The following MAL2 variants were observed in gnomAD, a reference collection of about 807,000 sequenced individuals.
The protein encoded by MAL2 is mal, T cell differentiation protein 2.
Under a neutral mutation model 18.1 loss-of-function variants are expected in MAL2, and 17 were observed. The ratio of observed to expected loss-of-function variants is 0.94; its 90% CI spans 0.64 to 1.41. MAL2 has a LOEUF of 1.41. Among genes scored for constraint, MAL2 ranks in the 40% most tolerant of loss-of-function variants. The pLI is 0.00. For synonymous variants in MAL2, 102 were observed against 102.3 expected, an observed-to-expected ratio of 1.00 and a Z score of 0.02; for missense variants, 222 against 231.9, an observed-to-expected ratio of 0.96 and a Z score of 0.28.
At chr8:119,234,803 A>G (rs1196578631) in intron 2 of MAL2, among the ~76,000 whole-genome samples, 1 of 151,644 alleles carries the variant, frequency 6.6e-6, no homozygotes, top group Admixed American at 6.6e-5. Flanking sequence ...CCGAAAACCC[A>G]TCTGTACATC....
At chr8:119,231,977 C>G (rs1258194492) in intron 2 of MAL2, among the ~76,000 whole-genome samples, 1 of 151,924 alleles carries the variant, frequency 6.6e-6, no homozygotes, top group Non-Finnish European at 1.5e-5. Flanking sequence ...GAAATGAGTT[C>G]AAGAGATCTA....
chr8:119,224,490 A>G (rs796312044), intron 2 of MAL2, among the ~76,000 whole-genome samples: 2 of 152,310 alleles, frequency 1.3e-5, no homozygotes, highest in African/African-American at 4.8e-5. Flanking sequence ...TAACTGGCAC[A>G]CATTTGATCA....
rs1484238952 is a variant in MAL2 at position 119,240,366 on chromosome 8, C to A, written c.459+46C>A. Reference sequence around the variant, plus strand: ...AGTACCATTCACCAGCACTTCCGCTCCACTGTCAAGGCCTCCAAGAAACTC... The same window carrying A: ...AGTACCATTCACCAGCACTTCCGCTACACTGTCAAGGCCTCCAAGAAACTC... On this transcript the variant is annotated intron_variant, in intron 3 of 3. Coordinates refer to ENST00000614891, the MANE Select transcript of MAL2 (RefSeq NM_052886.3). 4 of 1,593,182 alleles carry A rather than the reference C, an allele frequency of 2.5e-6. No homozygotes were observed. The African/African-American group carries it at 5.4e-5, about 21-fold the overall frequency.
intron 1 of MAL2, 163 bp from the exon 2 acceptor site, chr8:119,221,424 T>C: frequency 2.6e-6 from 2 of 756,942 alleles, no homozygotes; most frequent in Non-Finnish European, 4.3e-6. Flanking sequence ...AAAGAAGGCA[T>C]CTTACATAAT....
intron 2 of MAL2, 84 bp downstream of exon 2, chr8:119,221,841 T>C (rs1817469920): frequency 7.0e-7 from 1 of 1,426,748 alleles, no homozygotes; most frequent in African/African-American, 1.4e-5. Context: ...AGAGTCCCAG[T>C]TCTGTTGCCC....
intron 2 of MAL2, among the ~76,000 whole-genome samples, chr8:119,235,111 T>C: frequency 6.6e-6 from 1 of 151,870 alleles, no homozygotes; most frequent in Non-Finnish European, 1.5e-5. Context: ...GAGAAGTGCT[T>C]AAAGGAGCTG....
At position 119,231,170 on chromosome 8, in the gene MAL2, C is replaced by T. The variant is rs200404128; in HGVS notation, c.304-8995C>T. Among the ~76,000 whole-genome samples the T allele has an allele frequency of 3.9e-5, 6 of 152,100 alleles. No homozygotes were observed. In the East Asian group the frequency reaches 1.2e-3, roughly 30 times the overall value. ...CCTCAGCCTCCCAAGTAGCTGGGAC[C>T]ACAGGCGCCCGCCACCACACCCAGC... On this transcript the variant is annotated intron_variant, in intron 2 of 3. Transcript: ENST00000614891.
Position 119,222,931 on chromosome 8 carries a change from T to C in MAL2, c.303+1174T>C, listed in dbSNP as rs918557574. Among the ~76,000 whole-genome samples, 32 of 152,222 alleles carry C rather than the reference T, an allele frequency of 2.1e-4. 1 individual carries two copies. Among genetic ancestry groups the C allele is most frequent in the African/African-American group, 7.7e-4 (32 of 41,468 alleles). On this transcript the variant is annotated intron_variant, in intron 2 of 3. Coordinates refer to ENST00000614891, the MANE Select transcript of MAL2 (RefSeq NM_052886.3). ...TTTAGTATATAGAGCTTGTCTTTCA[T>C]GCTTGCAGCCATTTATTCTCTAAGA...
intron 1 of MAL2, chr8:119,215,245 T>G (rs1350366059): frequency 6.6e-6 from 1 of 152,196 alleles, no homozygotes; most frequent in African/African-American, 2.4e-5. Flanking sequence ...GAAGTACATA[T>G]TCTCGCTTCA....
At chr8:119,222,705 G>A (rs1817491672) in intron 2 of MAL2, among the ~76,000 whole-genome samples, 1 of 151,386 alleles carries the variant, frequency 6.6e-6, no homozygotes, top group Non-Finnish European at 1.5e-5. Context: ...TTGCACTCCT[G>A]TAGTCCCAGC....
rs140722676 is a variant in MAL2, at chr8:119,240,492, C to T, written c.459+172C>T. Among the ~76,000 whole-genome samples, 30 of 152,238 alleles carry T rather than the reference C, an allele frequency of 2.0e-4. 1 individual carries two copies. In the East Asian group the frequency reaches 5.8e-3, roughly 29 times the overall value. ...CTTGTAAGCAAAGTGCCATGATCAC[C>T]CCCAGTGTTGTGGATGATTAAACTG... On this transcript the variant is annotated intron_variant, in intron 3 of 3. Coordinates refer to ENST00000614891, the MANE Select transcript of MAL2 (RefSeq NM_052886.3).
At chr8:119,214,534 A>G (rs921365863) in intron 1 of MAL2, among the ~76,000 whole-genome samples, 8 of 152,152 alleles carry the variant, frequency 5.3e-5, no homozygotes, top group African/African-American at 1.9e-4. Context: ...GCTTTAAACT[A>G]AAAGTGATAA....
At position 119,233,600 on chromosome 8, in the gene MAL2, C is replaced by T. The variant is rs546818898; in HGVS notation, c.304-6565C>T. Among the ~76,000 whole-genome samples the T allele has an allele frequency of 3.9e-5, 6 of 152,312 alleles. No homozygotes were observed. The South Asian group carries it at 1.0e-3, about 26-fold the overall frequency. ...GAAGAAATGGATAAATTCCTCGACA[C>T]ATACACCCTCCCAAGACTAAACCAG... is the stretch of plus-strand genomic sequence containing the variant. On this transcript the variant is annotated intron_variant, in intron 2 of 3. Coordinates refer to ENST00000614891, the MANE Select transcript of MAL2 (RefSeq NM_052886.3).
chr8:119,237,991 A>G (rs568661728), intron 2 of MAL2, among the ~76,000 whole-genome samples: 1 of 152,366 alleles, frequency 6.6e-6, no homozygotes, highest in South Asian at 2.1e-4. Context: ...AGAGGAAGTC[A>G]TATTGTCCCT....
At chr8:119,210,632 AT>A (rs1279267038) in intron 1 of MAL2, among the ~76,000 whole-genome samples, 2 of 152,166 alleles carry the variant, frequency 1.3e-5, no homozygotes, top group Non-Finnish European at 2.9e-5. Context: ...AGAGATGTGA[AT>A]TCTCTCTATC....
intron 2 of MAL2, among the ~76,000 whole-genome samples, chr8:119,231,543 C>T (rs1466507398): frequency 6.6e-6 from 1 of 152,116 alleles, no homozygotes; most frequent in South Asian, 2.1e-4. Context: ...TGTGGAAGTT[C>T]CTCAAAAAGT....
intron 1 of MAL2, among the ~76,000 whole-genome samples, chr8:119,209,972 T>C (rs1348056438): frequency 6.6e-6 from 1 of 152,150 alleles, no homozygotes; most frequent in Non-Finnish European, 1.5e-5. Context: ...AACTGGAAGA[T>C]CTGCAAAGAA....
In MAL2 at chr8:119,243,370, A is replaced by G. The variant is rs3739419; in HGVS notation, c.460-47A>G. The G allele has an allele frequency of 0.022, 31,720 of 1,460,058 alleles. 2,993 individuals are homozygous for G. The African/African-American group carries it at 0.26, about 12-fold the overall frequency. 90.4% of individuals were successfully genotyped at this position (1,460,058 alleles called of 1,614,324 possible). Reference sequence around the variant, plus strand: ...GTTGTTCTTTAGGACACTGTTTATAAGTCGGTGTTGTAAATCTGATGTGAA... The same window carrying G: ...GTTGTTCTTTAGGACACTGTTTATAGGTCGGTGTTGTAAATCTGATGTGAA... On this transcript the variant is annotated intron_variant, in intron 3 of 3. Coordinates refer to ENST00000614891, the MANE Select transcript of MAL2 (RefSeq NM_052886.3).
chr8:119,240,072 T>A, intron 2 of MAL2, 93 bp from the exon 3 acceptor site: 1 of 1,307,240 alleles, frequency 7.6e-7, no homozygotes, highest in Non-Finnish European at 1.1e-6. Flanking sequence ...AATTAAATGT[T>A]TTGATCTTGC....
Sources: gnomAD v4.1 joint callset for allele counts (sites outside exome capture counted in the v4.1 genomes callset) on GRCh38, gnomAD v4.1.1 for gene constraint, MANE v1.5 for transcripts, NCBI Gene and HGNC (gene_info 2026-07-23, HGNC 2026-07-21) for gene names.